GUCY2C: variants seen among roughly 807,000 people sequenced by gnomAD.
The protein encoded by GUCY2C is guanylate cyclase 2C, also known as guanylyl cyclase C.
GUCY2C carries 118 observed loss-of-function variants against 131.1 expected under a neutral mutation model. The observed-to-expected ratio is 0.90, with a 90% confidence interval of 0.78 to 1.05. The LOEUF is 1.05. Among genes scored for constraint, GUCY2C ranks in the 50% least tolerant of loss-of-function variants. The pLI, the probability that GUCY2C is intolerant of heterozygous loss-of-function variation, is 0.00. For missense variants in GUCY2C, 1,161 were observed against 1,304.4 expected (o/e 0.89, Z 1.69); for synonymous variants, 452 against 457.8 (o/e 0.99, Z 0.16).
intron 20 of GUCY2C, among the ~76,000 whole-genome samples, chr12:14,626,656 G>A (rs1256105062): frequency 6.6e-6 from 1 of 152,038 alleles, no homozygotes; most frequent in African/African-American, 2.4e-5. Flanking sequence ...AAAATATGAT[G>A]GGACAATGGA....
intron 21 of GUCY2C, 76 bp from the exon 22 acceptor site, chr12:14,622,273 G>A (rs548540138): frequency 3.6e-4 from 331 of 915,398 alleles, no homozygotes; most frequent in Non-Finnish European, 4.8e-4. Flanking sequence ...CTTTCAGGTA[G>A]TAGTGATTGT....
At chr12:14,618,168 A>G (rs1259463928) in intron 24 of GUCY2C, among the ~76,000 whole-genome samples, 1 of 152,218 alleles carries the variant, frequency 6.6e-6, no homozygotes, top group East Asian at 1.9e-4. Context: ...CAAATGCAAT[A>G]TATTCCTTCG....
chr12:14,694,095 C>G (rs1007992), intron 1 of GUCY2C, among the ~76,000 whole-genome samples: 38,965 of 151,248 alleles, frequency 0.26, 6,610 homozygotes, highest in African/African-American at 0.47. Context: ...CTATTCATAT[C>G]GGGTAACTAC....
intron 9 of GUCY2C, among the ~76,000 whole-genome samples, chr12:14,671,556 A>C (rs745398250): frequency 5.3e-5 from 8 of 152,176 alleles, no homozygotes; most frequent in Admixed American, 1.3e-4. Context: ...TTAACCTTAC[A>C]TTTTGAGAAG....
chr12:14,623,013 G>A (rs932025998), intron 21 of GUCY2C, among the ~76,000 whole-genome samples: 13 of 152,172 alleles, frequency 8.5e-5, no homozygotes, highest in African/African-American at 3.1e-4. Context: ...GCATCACTTT[G>A]TAGTGGCCCT....
At position 14,636,026 on chromosome 12, in the gene GUCY2C, C is replaced by T. The variant is rs545813115; in HGVS notation, c.2157+3836G>A. Among the ~76,000 whole-genome samples the T allele has an allele frequency of 3.3e-5, 5 of 152,196 alleles. No homozygotes were observed. In the South Asian group the frequency reaches 1.0e-3, roughly 32 times the overall value. ...GACTTTACTGCTGAATTATGCCAAA[C>T]TTCCAAAGAAGAACTAACACTAATT... On this transcript the variant is annotated intron_variant, in intron 19 of 26. Transcript: ENST00000261170.
chr12:14,630,290 G>T (rs1401019447), intron 19 of GUCY2C, among the ~76,000 whole-genome samples: 1 of 151,938 alleles, frequency 6.6e-6, no homozygotes, highest in Non-Finnish European at 1.5e-5. Flanking sequence ...ACCACTAGAT[G>T]ATGCTCCTGC....
At chr12:14,619,889 G>C (rs1482343069) in intron 23 of GUCY2C, 1 of 152,558 alleles carries the variant, frequency 6.6e-6, no homozygotes, top group Non-Finnish European at 1.5e-5. Context: ...CAAAAGCCCA[G>C]GCTAGACTAT....
intron 19 of GUCY2C, among the ~76,000 whole-genome samples, chr12:14,629,336 T>C (rs1206692375): frequency 2.0e-5 from 3 of 152,174 alleles, no homozygotes; most frequent in Admixed American, 2.0e-4. Flanking sequence ...TAAACCTCTG[T>C]AATTTAGCAG....
chr12:14,670,281 T>C (rs138493796), intron 9 of GUCY2C, among the ~76,000 whole-genome samples: 108 of 152,356 alleles, frequency 7.1e-4, no homozygotes, highest in African/African-American at 2.5e-3. Flanking sequence ...TTATGTCATT[T>C]TGATACATAT....
chr12:14,627,916 C>G (rs1433067122), intron 20 of GUCY2C, among the ~76,000 whole-genome samples: 1 of 152,288 alleles, frequency 6.6e-6, no homozygotes, highest in East Asian at 1.9e-4. Flanking sequence ...CATTAAGTAT[C>G]TGAGTCTTTT....
At position 14,628,681 on chromosome 12, in the gene GUCY2C, G is replaced by T; in HGVS notation, c.2214C>A (p.Phe738Leu). 1.3e-6 allele frequency: 2 copies of T among 1,598,096 alleles called. No individual in the cohort carries two copies. The highest frequency in any genetic ancestry group is 1.7e-6 in the Non-Finnish European group (2 of 1,166,076). Residue 738 changes from phenylalanine (F) to leucine (L), a missense_variant, in exon 20 of 27, where the codon TTC becomes TTA. Transcript: ENST00000261170. Reference sequence around the variant, plus strand: ...TGGCAAGTGTAGTCTCAATTTTTTTGAAATCTGGTCTCTTTTCTGGATCTT... The same window carrying T: ...TGGCAAGTGTAGTCTCAATTTTTTTTAAATCTGGTCTCTTTTCTGGATCTT... ...WEEDPEKRPD[F>L]KKIETTLAKI...
chr12:14,674,467 C>T (rs1204558307), intron 8 of GUCY2C, 158 bp downstream of exon 8: 1 of 759,024 alleles, frequency 1.3e-6, no homozygotes, highest in South Asian at 1.4e-5. Flanking sequence ...TCAATAACAG[C>T]ACCCTCAAAG....
At chr12:14,639,211 T>C (rs1411305597) in intron 19 of GUCY2C, among the ~76,000 whole-genome samples, 1 of 148,138 alleles carries the variant, frequency 6.8e-6, no homozygotes, top group Non-Finnish European at 1.5e-5. Context: ...GGCAGGAGAA[T>C]TGCTTGAAGA....
chr12:14,663,675 T>G (rs528034567), intron 10 of GUCY2C, among the ~76,000 whole-genome samples: 1 of 152,232 alleles, frequency 6.6e-6, no homozygotes, highest in African/African-American at 2.4e-5. Flanking sequence ...ATCCTAAACC[T>G]TCACACTGTA....
In GUCY2C at chr12:14,639,895, T is replaced by A. The variant is rs1463644742; in HGVS notation, c.2124A>T (p.Leu708Phe). The change falls in exon 19 of 27, where the codon TTA (leucine) becomes TTT (phenylalanine). Residue 708 changes from leucine (L) to phenylalanine (F), a missense_variant. Physicochemically the swap from Leu to Phe is conservative, Grantham distance 22. Transcript: ENST00000261170. ...CTTTTTCCTCTGCTGTTTCCAAGAA[T>A]AAATCTGGGCGGAAGGGTTTCATTC... ...SNGMKPFRPD[L>F]FLETAEEKEL... is the part of the protein sequence containing the mutation. 6.2e-7 allele frequency: 1 copy of A among 1,611,198 alleles called. No homozygotes were observed. The highest frequency in any genetic ancestry group is 8.5e-7 in the Non-Finnish European group (1 of 1,177,298).
In GUCY2C at chr12:14,681,407, G is replaced by A. The variant is rs1948345442; in HGVS notation, c.682C>T (p.Gln228Ter). 1 of 1,611,144 alleles carries A rather than the reference G, an allele frequency of 6.2e-7. No individual in the cohort carries two copies. The highest frequency in any genetic ancestry group is 1.3e-5 in the African/African-American group (1 of 74,936). ...HELGFKVVLR[Q>*]DKEFQDILMD... ...AAGATATCCTGAAACTCCTTATCTTGTCTTAACACCACCTTAAAGCCGAGT... is the reference window on the plus strand; with the variant it reads ...AAGATATCCTGAAACTCCTTATCTTATCTTAACACCACCTTAAAGCCGAGT... The change falls in exon 5 of 27, where the codon CAA becomes TAA. Residue 228 changes from glutamine (Q) to a stop codon, truncating the protein, a stop_gained. Coordinates refer to ENST00000261170, the MANE Select transcript of GUCY2C (RefSeq NM_004963.4). LOFTEE classifies it high-confidence loss of function.
intron 15 of GUCY2C, among the ~76,000 whole-genome samples, chr12:14,650,234 TTTATTA>T (rs562790695): frequency 8.2e-4 from 124 of 152,140 alleles, no homozygotes; most frequent in Non-Finnish European, 1.1e-3. Flanking sequence ...ACTTCAATTG[TTTATTA>T]TTATTATTAT....
At chr12:14,628,834 A>T in intron 19 of GUCY2C, 97 bp from the exon 20 acceptor site, 2 of 741,670 alleles carry the variant, frequency 2.7e-6, no homozygotes, top group Non-Finnish European at 4.9e-6. Flanking sequence ...TAAGGCAAGG[A>T]ATAGTTTAAA....
Sources: allele counts gnomAD v4.1 joint callset (sites outside exome capture counted in the v4.1 genomes callset), GRCh38; gene constraint gnomAD v4.1.1; transcripts MANE v1.5; gene names NCBI Gene and HGNC (gene_info 2026-07-23, HGNC 2026-07-21).